PDE4D: variants seen among roughly 807,000 people sequenced by gnomAD.
The protein encoded by PDE4D is phosphodiesterase 4D.
PDE4D carries 24 observed loss-of-function variants against 87.4 expected under a neutral mutation model. That is an observed-to-expected ratio of 0.27 (90% CI 0.20 to 0.39). The LOEUF (loss-of-function observed/expected upper bound fraction) is 0.39, where lower values mean the gene tolerates loss of function less well. PDE4D is among the 10% of genes least tolerant of loss of function. The pLI, the probability that PDE4D is intolerant of heterozygous loss-of-function variation, is 1.00. For synonymous variants in PDE4D, 384 were observed against 383.2 expected (o/e 1.00, Z -0.02); for missense variants, 714 against 1,041.0 (o/e 0.69, Z 4.32).
intron 1 of PDE4D, among the ~76,000 whole-genome samples, chr5:59,711,935 T>C (rs752677189): frequency 6.6e-6 from 1 of 152,142 alleles, no homozygotes; most frequent in Non-Finnish European, 1.5e-5. Flanking sequence ...TACTTATCCA[T>C]TCACTCTTTC....
At chr5:59,920,234 T>C (rs139872323) in intron 3 of PDE4D, among the ~76,000 whole-genome samples, 35 of 152,294 alleles carry the variant, frequency 2.3e-4, no homozygotes, top group African/African-American at 8.4e-4. Flanking sequence ...CATAACTCTG[T>C]ATGGCTGCAG....
chr5:59,936,619 C>G (rs565283387), intron 3 of PDE4D, among the ~76,000 whole-genome samples: 1 of 152,190 alleles, frequency 6.6e-6, no homozygotes, highest in African/African-American at 2.4e-5. Flanking sequence ...GTGCTCAGGT[C>G]TGCCACTCCA....
At chr5:60,104,347 A>G (rs1362378751) in intron 2 of PDE4D, among the ~76,000 whole-genome samples, 1 of 152,230 alleles carries the variant, frequency 6.6e-6, no homozygotes, top group East Asian at 1.9e-4. Flanking sequence ...TACGTAAACA[A>G]AGCAGCCAGG....
At position 59,800,210 on chromosome 5, in the gene PDE4D, A is replaced by G. The variant is rs980545920; in HGVS notation, c.455+92958T>C. Among the ~76,000 whole-genome samples, 8 of 152,226 alleles carry G rather than the reference A, an allele frequency of 5.3e-5. 1 individual carries two copies. The highest frequency in any genetic ancestry group is 1.9e-4 in the East Asian group (1 of 5,184). ...CAGTATTATATATGAAATGTTTCCT[A>G]TTAGAATCAAAGTTCCCACAATGGA... On this transcript the variant is annotated intron_variant, in intron 1 of 14. Coordinates refer to ENST00000340635, the MANE Select transcript of PDE4D (RefSeq NM_001104631.2).
intron 5 of PDE4D, among the ~76,000 whole-genome samples, chr5:59,151,604 G>C (rs756440817): frequency 6.6e-6 from 1 of 152,140 alleles, no homozygotes; most frequent in Non-Finnish European, 1.5e-5. Context: ...AATCACTGAT[G>C]GTACTCCCTG....
rs554436443 is a variant in PDE4D at position 60,457,023 on chromosome 5, T to C, written c.-90+30919A>G. 3.9e-5 allele frequency among the ~76,000 whole-genome samples: 6 copies of C among 152,284 alleles called. No individual in the cohort carries two copies. The South Asian group carries it at 1.2e-3, about 32-fold the overall frequency. On this transcript the variant is annotated intron_variant, in intron 1 of 16. Coordinates refer to the PDE4D transcript ENST00000502484. ...CAGTCGAATAGGTCATCTACCCAAC[T>C]TAATTAACATTGCAAAAATGAGGTC...
intron 1 of PDE4D, among the ~76,000 whole-genome samples, chr5:60,343,735 T>G (rs1463698454): frequency 6.6e-6 from 1 of 152,090 alleles, no homozygotes; most frequent in African/African-American, 2.4e-5. Context: ...ATCTCTACCA[T>G]CAAAAAGCTT....
chr5:60,450,647 A>T (rs1746027053), intron 1 of PDE4D, among the ~76,000 whole-genome samples: 1 of 152,156 alleles, frequency 6.6e-6, no homozygotes, highest in African/African-American at 2.4e-5. Flanking sequence ...ATTTTACCAA[A>T]AGTAAATTAG....
At chr5:59,306,710 G>A in intron 1 of PDE4D, among the ~76,000 whole-genome samples, 1 of 149,060 alleles carries the variant, frequency 6.7e-6, no homozygotes, top group Admixed American at 6.8e-5. Context: ...AAATAAAAGA[G>A]GATACAAACA....
At chr5:60,050,021 C>T (rs936716841) in intron 2 of PDE4D, among the ~76,000 whole-genome samples, 3 of 152,222 alleles carry the variant, frequency 2.0e-5, no homozygotes, top group Admixed American at 6.5e-5. Flanking sequence ...CAGCGAGACT[C>T]TGTTGGCGTA....
At chr5:59,810,751 CTTAT>C (rs1283279849) in intron 1 of PDE4D, among the ~76,000 whole-genome samples, 2 of 151,966 alleles carry the variant, frequency 1.3e-5, no homozygotes, top group South Asian at 2.1e-4. Context: ...ATTTTTCCGG[CTTAT>C]TTAAAGAATA....
At chr5:60,083,924 C>A (rs1056203348) in intron 2 of PDE4D, among the ~76,000 whole-genome samples, 8 of 152,106 alleles carry the variant, frequency 5.3e-5, no homozygotes, top group Non-Finnish European at 1.2e-4. Flanking sequence ...GCTCTTGACC[C>A]CATTTAGCTT....
chr5:59,316,568 C>T (rs1773787746), intron 1 of PDE4D, among the ~76,000 whole-genome samples: 1 of 152,086 alleles, frequency 6.6e-6, no homozygotes, highest in African/African-American at 2.4e-5. Context: ...ATAAACTGTA[C>T]TCACATGTTC....
chr5:59,341,671 T>C (rs184942170), intron 1 of PDE4D, among the ~76,000 whole-genome samples: 1 of 152,266 alleles, frequency 6.6e-6, no homozygotes, highest in East Asian at 1.9e-4. Flanking sequence ...CCAAAATACA[T>C]ATATATGCAT....
intron 2 of PDE4D, among the ~76,000 whole-genome samples, chr5:60,028,765 A>G (rs184536061): frequency 4.7e-4 from 71 of 152,312 alleles, no homozygotes; most frequent in African/African-American, 1.4e-3. Flanking sequence ...CTTTGATCTC[A>G]ATATAATCTC....
intron 1 of PDE4D, among the ~76,000 whole-genome samples, chr5:59,362,810 A>C (rs1386221493): frequency 6.6e-6 from 1 of 152,052 alleles, no homozygotes; most frequent in Non-Finnish European, 1.5e-5. Context: ...AAACAAAATC[A>C]CTCCCTTGGG....
intron 1 of PDE4D, among the ~76,000 whole-genome samples, chr5:59,686,289 C>T (rs142514428): frequency 6.6e-6 from 1 of 152,248 alleles, no homozygotes. Flanking sequence ...TTCCCATTTA[C>T]TCTTTAGATA....
At chr5:60,108,368 AC>A (rs1375275892) in intron 2 of PDE4D, among the ~76,000 whole-genome samples, 1 of 152,110 alleles carries the variant, frequency 6.6e-6, no homozygotes, top group Non-Finnish European at 1.5e-5. Context: ...GAGGATACAA[AC>A]AAATGGAAGA....
intron 3 of PDE4D, among the ~76,000 whole-genome samples, chr5:59,953,433 T>C (rs1157455317): frequency 1.3e-5 from 2 of 152,124 alleles, no homozygotes; most frequent in Non-Finnish European, 2.9e-5. Context: ...ATATGTTTCA[T>C]AGGAAAAAAA....
Sources: allele counts gnomAD v4.1 joint callset (sites outside exome capture counted in the v4.1 genomes callset), GRCh38; gene constraint gnomAD v4.1.1; transcripts MANE v1.5; gene names NCBI Gene and HGNC (gene_info 2026-07-23, HGNC 2026-07-21).